Variants in PDLIM5 observed in about 807,000 individuals in gnomAD.
The protein encoded by PDLIM5 is PDZ and LIM domain protein 5.
Under a neutral mutation model 64.2 loss-of-function variants are expected in PDLIM5, and 34 were observed. The observed-to-expected ratio is 0.53, with a 90% CI of 0.40 to 0.71. PDLIM5 has a LOEUF of 0.71. Ranked by LOEUF, PDLIM5 falls within the 30% of genes least tolerant of loss-of-function variation. The probability of loss-of-function intolerance (pLI) is 0.00; values close to 1 mark genes in which losing one functional copy is unlikely to be tolerated. For synonymous variants in PDLIM5, 253 were observed against 269.1 expected (o/e 0.94, Z 0.59); for missense variants, 683 against 733.6 (o/e 0.93, Z 0.80).
intron 2 of PDLIM5, among the ~76,000 whole-genome samples, chr4:94,494,352 G>T (rs6532489): frequency 4.0e-5 from 6 of 149,342 alleles, no homozygotes. Flanking sequence ...AATCAATATG[G>T]CCCTTCTTAA....
At chr4:94,578,153 A>G (rs2110292413) in intron 5 of PDLIM5, among the ~76,000 whole-genome samples, 1 of 152,254 alleles carries the variant, frequency 6.6e-6, no homozygotes, top group African/African-American at 2.4e-5. Context: ...AGAAAGTTGT[A>G]GAGGTAAAAG....
At chr4:94,520,011 C>T (rs2438144) in intron 2 of PDLIM5, among the ~76,000 whole-genome samples, 3 of 151,888 alleles carry the variant, frequency 2.0e-5, no homozygotes, top group African/African-American at 7.3e-5. Flanking sequence ...TAGATCCTTT[C>T]GTACTGAAGT....
intron 2 of PDLIM5, among the ~76,000 whole-genome samples, chr4:94,494,051 C>T (rs1455894424): frequency 6.6e-6 from 1 of 152,114 alleles, no homozygotes; most frequent in Non-Finnish European, 1.5e-5. Flanking sequence ...CCTCTACTTG[C>T]TGGGTTCAAG....
At chr4:94,566,340 A>G (rs1379611892) in intron 3 of PDLIM5, among the ~76,000 whole-genome samples, 1 of 152,220 alleles carries the variant, frequency 6.6e-6, no homozygotes, top group Non-Finnish European at 1.5e-5. Context: ...GTAGGTACTC[A>G]TTAAGTGATA....
At chr4:94,481,407 C>A (rs185296197) in intron 2 of PDLIM5, among the ~76,000 whole-genome samples, 71 of 151,614 alleles carry the variant, frequency 4.7e-4, no homozygotes, top group Admixed American at 1.2e-3. Flanking sequence ...CCTCAGCCTC[C>A]TGAGTAGCTG....
At chr4:94,467,626 A>G (rs1236161762) in intron 2 of PDLIM5, among the ~76,000 whole-genome samples, 1 of 152,082 alleles carries the variant, frequency 6.6e-6, no homozygotes, top group Non-Finnish European at 1.5e-5. Flanking sequence ...GAGACATTTT[A>G]ATGAAACATT....
chr4:94,666,114 T>G lies in PDLIM5; in HGVS notation c.*2047T>G. On this transcript the variant is annotated 3_prime_UTR_variant, in exon 13 of 13. Coordinates refer to ENST00000317968, the MANE Select transcript of PDLIM5 (RefSeq NM_006457.5). ...ATAGTCGAGACAGAGCCCTAGGTCC[T>G]TCCTGCCCCATCACTCACTTACGAC... The G allele has an allele frequency of 9.5e-7, 1 of 1,049,400 alleles. No homozygotes were observed. Among genetic ancestry groups the G allele is most frequent in the Non-Finnish European group, 1.4e-6 (1 of 721,214 alleles). The allele number at this position is 1,049,400 out of a possible 1,614,324, so 65.0% of individuals were successfully genotyped here. A position where few individuals can be genotyped will look rare whatever the true frequency, so the allele number is the denominator to read the frequency against.
intron 2 of PDLIM5, among the ~76,000 whole-genome samples, chr4:94,506,694 A>T (rs969640771): frequency 1.3e-5 from 2 of 152,184 alleles, no homozygotes; most frequent in African/African-American, 4.8e-5. Context: ...TCCCTGTGTG[A>T]TGGTTAATAT....
chr4:94,619,651 G>A (rs1256975021), intron 8 of PDLIM5, among the ~76,000 whole-genome samples: 1 of 151,378 alleles, frequency 6.6e-6, no homozygotes, highest in Non-Finnish European at 1.5e-5. Context: ...AAAAAAAAAA[G>A]AGAGACAGGA....
chr4:94,469,132 G>A (rs1046267001), intron 2 of PDLIM5, among the ~76,000 whole-genome samples: 1 of 152,150 alleles, frequency 6.6e-6, no homozygotes, highest in Non-Finnish European at 1.5e-5. Flanking sequence ...TATCTTTATT[G>A]AGTGCCAGCT....
At chr4:94,570,036 A>G (rs1734677755) in intron 3 of PDLIM5, among the ~76,000 whole-genome samples, 1 of 152,142 alleles carries the variant, frequency 6.6e-6, no homozygotes, top group South Asian at 2.1e-4. Flanking sequence ...GGCCACCTGA[A>G]AAGGATTATT....
chr4:94,596,415 T>G (rs1227087084), intron 7 of PDLIM5, among the ~76,000 whole-genome samples: 1 of 152,140 alleles, frequency 6.6e-6, no homozygotes, highest in African/African-American at 2.4e-5. Context: ...ATAAGTTGTT[T>G]TCCATTTCAC....
chr4:94,640,154 TGTGA>T (rs750602049), intron 8 of PDLIM5, 118 bp from the exon 9 acceptor site: 8 of 496,276 alleles, frequency 1.6e-5, no homozygotes, highest in East Asian at 3.3e-5. Context: ...TCACTGTAAA[TGTGA>T]GTGAGTGAAT....
At chr4:94,473,208 C>T (rs189875743) in intron 2 of PDLIM5, among the ~76,000 whole-genome samples, 103 of 152,258 alleles carry the variant, frequency 6.8e-4, no homozygotes, top group African/African-American at 1.9e-3. Context: ...AGCAAGGCTC[C>T]GATGGCTGGA....
Position 94,663,363 on chromosome 4 carries a change from A to G in PDLIM5, c.1702-615A>G, listed in dbSNP as rs555586339. ...TAGCAGATTTGCCTTTTCTTTTCTA[A>G]TAAAGCTGTTCATTCTAATTAACAA... On this transcript the variant is annotated intron_variant, in intron 12 of 12. Transcript: ENST00000317968. Among the ~76,000 whole-genome samples, 25 of 152,292 alleles carry G rather than the reference A, an allele frequency of 1.6e-4. No homozygotes were observed. The South Asian group carries it at 4.4e-3, about 27-fold the overall frequency.
At chr4:94,476,955 C>T (rs1725376845) in intron 2 of PDLIM5, among the ~76,000 whole-genome samples, 1 of 152,184 alleles carries the variant, frequency 6.6e-6, no homozygotes, top group African/African-American at 2.4e-5. Context: ...ATCTGGCAGA[C>T]TGTGCAATTA....
At chr4:94,577,547 C>A in intron 5 of PDLIM5, 1 of 268,580 alleles carries the variant, frequency 3.7e-6, no homozygotes, top group African/African-American at 2.4e-5. Context: ...GGAAGAGAAA[C>A]AGTATGGAGT....
At chr4:94,505,389 G>C (rs1728302305) in intron 2 of PDLIM5, among the ~76,000 whole-genome samples, 1 of 152,102 alleles carries the variant, frequency 6.6e-6, no homozygotes, top group Non-Finnish European at 1.5e-5. Flanking sequence ...TACCCGAGTA[G>C]CTGGGATTAC....
chr4:94,519,358 T>C (rs1157826461), intron 2 of PDLIM5, among the ~76,000 whole-genome samples: 2 of 152,324 alleles, frequency 1.3e-5, no homozygotes, highest in African/African-American at 2.4e-5. Context: ...CCTGGTGTTT[T>C]ATTTAACCTG....
Sources: gnomAD v4.1 joint callset for allele counts (sites outside exome capture counted in the v4.1 genomes callset) on GRCh38, gnomAD v4.1.1 for gene constraint, MANE v1.5 for transcripts, NCBI Gene and HGNC (gene_info 2026-07-23, HGNC 2026-07-21) for gene names.